The following PTPN18 variants were observed in gnomAD, a reference collection of about 807,000 sequenced individuals.
PTPN18 encodes the protein tyrosine-protein phosphatase non-receptor type 18.
In PTPN18, 65 loss-of-function variants were observed where a neutral mutation model predicts 65.4. The observed-to-expected ratio is 0.99, with a 90% CI of 0.81 to 1.22. The LOEUF (loss-of-function observed/expected upper bound fraction) is 1.22, where lower values mean the gene tolerates loss of function less well. PTPN18 is among the 50% of genes most tolerant of loss of function. PTPN18 has a pLI of 0.00. For missense variants in PTPN18, 616 were observed against 646.5 expected (o/e 0.95, Z 0.51); for synonymous variants, 255 against 267.8 (o/e 0.95, Z 0.47).
At position 130,372,277 on chromosome 2, in the gene PTPN18, C is replaced by T. The variant is rs905732447; in HGVS notation, c.1034C>T (p.Ser345Phe). 58 of 1,566,978 alleles carry T rather than the reference C, an allele frequency of 3.7e-5. No homozygotes were observed. Among genetic ancestry groups the T allele is most frequent in the Non-Finnish European group, 4.7e-5 (55 of 1,165,706 alleles). The change falls in exon 13 of 15, where the codon TCC (serine) becomes TTC (phenylalanine). Residue 345 changes from serine (S) to phenylalanine (F), a missense_variant. Coordinates refer to ENST00000175756, the MANE Select transcript of PTPN18 (RefSeq NM_014369.4). The part of the protein sequence containing the change: ...GVLRSISVPG[S>F]PGHAMADTYA... The stretch of plus-strand genomic sequence containing the variant: ...TGCAGGAGCATCTCTGTGCCCGGGT[C>T]CCCGGGCCACGCCATGGCTGACACC...
Position 130,371,298 on chromosome 2 carries a change from C to T in PTPN18, c.1013+11C>T, listed in dbSNP as rs1680559037. 3 of 1,562,636 alleles carry T rather than the reference C, an allele frequency of 1.9e-6. No homozygotes were observed. The highest frequency in any genetic ancestry group is 2.6e-6 in the Non-Finnish European group (3 of 1,141,622). ...AGGAGGGGTCCTCAGGTACCCGGCT[C>T]CATCCCCGGATTCTTCCCTGCCCAA... On this transcript the variant is annotated intron_variant, in intron 12 of 14. Coordinates refer to ENST00000175756, the MANE Select transcript of PTPN18 (RefSeq NM_014369.4).
chr2:130,363,155 TA>T (rs1320386496), intron 5 of PTPN18, among the ~76,000 whole-genome samples: 3 of 146,454 alleles, frequency 2.0e-5, no homozygotes, highest in Non-Finnish European at 4.5e-5. Context: ...CATCATTCCA[TA>T]AAAAAATCCA....
At chr2:130,356,492 G>T in intron 1 of PTPN18, 1 of 529,294 alleles carries the variant, frequency 1.9e-6, no homozygotes. Flanking sequence ...CCTGGCTGCG[G>T]GCGGGACAGG....
intron 5 of PTPN18, chr2:130,362,155 G>A (rs780471798): frequency 6.4e-6 from 3 of 470,284 alleles, no homozygotes; most frequent in Non-Finnish European, 1.3e-5. Flanking sequence ...ATTTCTTGTA[G>A]AGATTAAGTC....
intron 1 of PTPN18, among the ~76,000 whole-genome samples, chr2:130,358,133 G>A (rs1211772496): frequency 6.6e-6 from 1 of 152,192 alleles, no homozygotes; most frequent in Non-Finnish European, 1.5e-5. Context: ...CCTCCCGCAT[G>A]TGCAGGAATC....
intron 5 of PTPN18, among the ~76,000 whole-genome samples, chr2:130,366,348 C>T (rs1408399319): frequency 6.6e-6 from 1 of 152,158 alleles, no homozygotes; most frequent in Non-Finnish European, 1.5e-5. Context: ...TTATGAAACG[C>T]TGTTGAGTTT....
intron 1 of PTPN18, among the ~76,000 whole-genome samples, chr2:130,357,064 C>T (rs777148791): frequency 8.5e-5 from 13 of 152,132 alleles, no homozygotes; most frequent in Non-Finnish European, 1.9e-4. Flanking sequence ...GGGCGCATGC[C>T]TGTAATCCCA....
At position 130,358,985 on chromosome 2, in the gene PTPN18, G is replaced by C. The variant is rs752562714; in HGVS notation, c.202+10G>C. On this transcript the variant is annotated intron_variant, in intron 2 of 14. Coordinates refer to ENST00000175756, the MANE Select transcript of PTPN18 (RefSeq NM_014369.4). ...AAAGACGTGCTGCCTTGTAAGTCGG[G>C]GCTTCCGTAGGGAGTCGGTGCAGCC... 11 of 1,613,184 alleles carry C rather than the reference G, an allele frequency of 6.8e-6. 1 individual carries two copies. In the South Asian group the frequency reaches 9.9e-5, roughly 14 times the overall value.
chr2:130,357,163 T>A lies in PTPN18; in HGVS notation c.93+963T>A, dbSNP rs1439402357. 2.0e-5 allele frequency among the ~76,000 whole-genome samples: 3 copies of A among 152,280 alleles called. No individual in the cohort carries two copies. The East Asian group carries it at 5.8e-4, about 29-fold the overall frequency. ...AGATGGTTCCACTGCACAGCTGAGA[T>A]GGTGCCACTGCACTCCAGCCTGGGC... On this transcript the variant is annotated intron_variant, in intron 1 of 14. Coordinates refer to ENST00000175756, the MANE Select transcript of PTPN18 (RefSeq NM_014369.4).
chr2:130,359,790 C>CT (rs1336975190), intron 5 of PTPN18, 144 bp downstream of exon 5: 2 of 1,043,784 alleles, frequency 1.9e-6, no homozygotes, highest in South Asian at 3.0e-5. Context: ...CATTGTTCCT[C>CT]TAAGTTTTTG....
At chr2:130,361,071 G>A (rs1001688973) in intron 5 of PTPN18, among the ~76,000 whole-genome samples, 2 of 152,134 alleles carry the variant, frequency 1.3e-5, no homozygotes, top group Non-Finnish European at 2.9e-5. Context: ...GGAGTGTCCT[G>A]TAAATACCAA....
intron 5 of PTPN18, among the ~76,000 whole-genome samples, chr2:130,367,050 ATTTTTTTTTTT>A (rs57039741): frequency 0.053 from 5,478 of 104,280 alleles, 401 homozygotes; most frequent in African/African-American, 0.18. Flanking sequence ...GCTAATTTTA[ATTTTTTTTTTT>A]TTTTTTTTTT....
In PTPN18 at chr2:130,356,161, GGGCGGCC is replaced by G. The variant is rs1244155076; in HGVS notation, c.57_63del (p.Gly20ArgfsTer36). On this transcript the variant is annotated frameshift_variant, in exon 1 of 15. Coordinates refer to ENST00000175756, the MANE Select transcript of PTPN18 (RefSeq NM_014369.4). LOFTEE classifies it high-confidence loss of function. ...GCTTCCTGGAGCGGCTGGAAGCGCG[GGGCGGCC>G]GGGAGGGGGCAGTCCTCGCCGGCGA... is the stretch of plus-strand genomic sequence containing the variant. 1 of 1,314,020 alleles carries G rather than the reference GGGCGGCC, an allele frequency of 7.6e-7. No individual in the cohort carries two copies. The highest frequency in any genetic ancestry group is 3.1e-5 in the East Asian group (1 of 32,098). 81.4% of individuals were successfully genotyped at this position (1,314,020 alleles called of 1,614,324 possible).
intron 5 of PTPN18, among the ~76,000 whole-genome samples, chr2:130,363,602 C>A (rs535101293): frequency 6.6e-6 from 1 of 152,274 alleles, no homozygotes; most frequent in South Asian, 2.1e-4. Context: ...TAATATGTAG[C>A]CTTTTTTTGC....
chr2:130,372,818 C>T (rs1458749462), intron 13 of PTPN18, 55 bp from the exon 14 acceptor site: 1 of 1,599,040 alleles, frequency 6.3e-7, no homozygotes, highest in African/African-American at 1.3e-5. Flanking sequence ...GGGGTGGGGT[C>T]TTGGGACTCC....
intron 1 of PTPN18, among the ~76,000 whole-genome samples, chr2:130,358,411 T>A (rs141146296): frequency 1.1e-3 from 168 of 152,348 alleles, no homozygotes; most frequent in African/African-American, 3.9e-3. Context: ...TTGTACATTG[T>A]CTTATATGTT....
rs1038079785 is a variant in PTPN18, at chr2:130,359,907, G to T, written c.414+261G>T. ...CCCTATTCTGACTGCTTCCCCTGTA[G>T]GCTCTGATCTCTCTTTCCACCTCTC... is the stretch of plus-strand genomic sequence containing the variant. On this transcript the variant is annotated intron_variant, in intron 5 of 14. Transcript: ENST00000175756. The T allele has an allele frequency of 1.7e-5, 9 of 533,570 alleles. No homozygotes were observed. The African/African-American group carries it at 1.7e-4, about 10-fold the overall frequency. 33.1% of individuals were successfully genotyped at this position (533,570 alleles called of 1,614,324 possible). A position where few individuals can be genotyped will look rare whatever the true frequency, so the allele number is the denominator to read the frequency against.
intron 1 of PTPN18, chr2:130,356,546 GGA>G (rs1679977011): frequency 2.0e-6 from 1 of 501,180 alleles, no homozygotes; most frequent in African/African-American, 2.0e-5. Context: ...CTGCTGCGCT[GGA>G]CAGCCCCGGC....
intron 5 of PTPN18, 83 bp downstream of exon 5, chr2:130,359,729 C>A: frequency 6.7e-7 from 1 of 1,493,460 alleles, no homozygotes; most frequent in Non-Finnish European, 9.3e-7. Flanking sequence ...GACCCCAGGA[C>A]CCGAGGGTCC....
Sources: gnomAD v4.1 joint callset for allele counts (sites outside exome capture counted in the v4.1 genomes callset) on GRCh38, gnomAD v4.1.1 for gene constraint, MANE v1.5 for transcripts, NCBI Gene and HGNC (gene_info 2026-07-23, HGNC 2026-07-21) for gene names.